Variants in WNK1 observed in about 807,000 individuals in gnomAD.
The protein encoded by WNK1 is WNK lysine deficient protein kinase 1.
Under a neutral mutation model 222.8 loss-of-function variants are expected in WNK1, and 38 were observed. The observed-to-expected ratio is 0.17, with a 90% CI of 0.13 to 0.22. The LOEUF (loss-of-function observed/expected upper bound fraction) is 0.22. Ranked by LOEUF, WNK1 falls within the 10% of genes least tolerant of loss-of-function variation. WNK1 has a pLI of 1.00. For synonymous variants in WNK1, 1,090 were observed against 1,092.9 expected, an observed-to-expected ratio of 1.00 and a Z score of 0.05; for missense variants, 2,348 against 2,918.4, an observed-to-expected ratio of 0.80 and a Z score of 4.50.
rs763829194 is a variant in WNK1, at chr12:885,291, C to G, written c.4487C>G (p.Thr1496Ser). ...GATLTSVSTTTSFPSTASQLC... is the reference protein window; with the variant it reads ...GATLTSVSTTSSFPSTASQLC... Reference sequence around the variant, plus strand: ...ACATTAACATCAGTTTCTACCACCACTTCATTCCCAAGCACAGCTTCACAG... The same window carrying G: ...ACATTAACATCAGTTTCTACCACCAGTTCATTCCCAAGCACAGCTTCACAG... Residue 1496 changes from threonine to serine, a missense_variant, in exon 19 of 28, where the codon ACT becomes AGT. By Grantham distance (58) the Thr-to-Ser change is moderately conservative. Transcript: ENST00000315939. 25 of 1,614,088 alleles carry G rather than the reference C, an allele frequency of 1.5e-5. No homozygotes were observed. The East Asian group carries it at 5.1e-4, about 33-fold the overall frequency.
chr12:906,720 ACTTCT>A (rs2154102844), intron 26 of WNK1: 14 of 985,256 alleles, frequency 1.4e-5, no homozygotes, highest in Non-Finnish European at 1.7e-5. Context: ...ACAGCATGCT[ACTTCT>A]CTTATTACCT....
At chr12:882,863 C>T in intron 14 of WNK1, 80 bp from the exon 15 acceptor site, 1 of 881,236 alleles carries the variant, frequency 1.1e-6, no homozygotes, top group East Asian at 2.4e-5. Context: ...AAGTCAAGTG[C>T]TAATCTGCAT....
At chr12:868,362 T>C (rs771593073) in intron 8 of WNK1, 3 of 1,613,934 alleles carry the variant, frequency 1.9e-6, no homozygotes, top group Non-Finnish European at 2.5e-6. Context: ...TCAAGTCCTA[T>C]GAAACAGATA....
At chr12:863,104 C>T (rs1027306806) in intron 8 of WNK1, among the ~76,000 whole-genome samples, 1 of 152,092 alleles carries the variant, frequency 6.6e-6, no homozygotes, top group Non-Finnish European at 1.5e-5. Flanking sequence ...AAATAAGTAA[C>T]TTGTCACTGT....
Position 909,634 on chromosome 12 carries a change from A to T in WNK1, c.*842A>T, listed in dbSNP as rs1009340931. 1.3e-5 allele frequency: 2 copies of T among 152,174 alleles called. No homozygotes were observed. Among genetic ancestry groups the T allele is most frequent in the African/African-American group, 2.4e-5 (1 of 41,438 alleles). The allele number at this position is 152,174 out of a possible 1,614,324, so 9.4% of individuals were successfully genotyped here. A position where few individuals can be genotyped will look rare whatever the true frequency, so the allele number is the denominator to read the frequency against. ...TTAGATAAATAAATGTGAATGTAAA[A>T]TTGTATAAATTACTGTACTTGAATA... On this transcript the variant is annotated 3_prime_UTR_variant, in exon 28 of 28. Transcript: ENST00000315939.
intron 4 of WNK1, among the ~76,000 whole-genome samples, chr12:854,132 C>A (rs1184778646): frequency 6.6e-6 from 1 of 151,822 alleles, no homozygotes; most frequent in East Asian, 2.0e-4. Context: ...CTTTGGGAGG[C>A]CAAGGTAGGA....
intron 1 of WNK1, among the ~76,000 whole-genome samples, chr12:780,496 G>A (rs1203541391): frequency 6.6e-6 from 1 of 152,164 alleles, no homozygotes; most frequent in Non-Finnish European, 1.5e-5. Flanking sequence ...GCACTACTGA[G>A]CATAATGGGA....
In WNK1 at chr12:911,351, G is replaced by A. The variant is rs1291696362; in HGVS notation, c.*2559G>A. The A allele has an allele frequency of 2.5e-6, 1 of 398,172 alleles. No homozygotes were observed. Among genetic ancestry groups the A allele is most frequent in the Non-Finnish European group, 4.4e-6 (1 of 226,064 alleles). 24.7% of individuals were successfully genotyped at this position (398,172 alleles called of 1,614,324 possible). ...AATTGTACATTTTGCACTAACTCTG[G>A]GTGTTGCGCTTCTTGTAAGATTGCG... On this transcript the variant is annotated 3_prime_UTR_variant, in exon 28 of 28. Transcript: ENST00000315939.
chr12:837,863 C>T (rs997469082), intron 4 of WNK1, among the ~76,000 whole-genome samples: 2 of 152,176 alleles, frequency 1.3e-5, no homozygotes, highest in African/African-American at 4.8e-5. Context: ...GTAGCAATCA[C>T]TTTTCTATAC....
rs1187523002 is a variant in WNK1 at position 909,024 on chromosome 12, A to T, written c.*232A>T. On this transcript the variant is annotated 3_prime_UTR_variant, in exon 28 of 28. Transcript: ENST00000315939. The stretch of plus-strand genomic sequence containing the variant: ...AAGAACAGCTTTTTTGTCAAGGGGC[A>T]GCTTCAGACCATGCTTTCCTGTTTA... The T allele has an allele frequency of 1.8e-6, 1 of 568,764 alleles. No individual in the cohort carries two copies. The highest frequency in any genetic ancestry group is 3.1e-6 in the Non-Finnish European group (1 of 318,520). 35.2% of individuals were successfully genotyped at this position (568,764 alleles called of 1,614,324 possible).
At chr12:792,382 G>A (rs1485357169) in intron 1 of WNK1, among the ~76,000 whole-genome samples, 6 of 145,258 alleles carry the variant, frequency 4.1e-5, no homozygotes, top group Non-Finnish European at 6.0e-5. Flanking sequence ...GTGCAATCTC[G>A]GCTCACTGCA....
At chr12:870,787 G>C (rs1041029815) in intron 8 of WNK1, among the ~76,000 whole-genome samples, 2 of 152,288 alleles carry the variant, frequency 1.3e-5, no homozygotes, top group South Asian at 4.1e-4. Context: ...ATCGCCCTAG[G>C]TACTTGGCAG....
Position 879,675 on chromosome 12 carries a change from CCAGTGGGA to C in WNK1, c.2480_2487del (p.Val827AlafsTer65). ...AGTCCACTCTGGTGCTCATTTCCTT[CCAGTGGGA>C]CAGCCGCTCCCTACTCCCTTGCTCC... On this transcript the variant is annotated frameshift_variant, in exon 11 of 28. Transcript: ENST00000315939. LOFTEE classifies it high-confidence loss of function. The C allele has an allele frequency of 6.2e-7, 1 of 1,613,948 alleles. No individual in the cohort carries two copies. The highest frequency in any genetic ancestry group is 1.3e-5 in the African/African-American group (1 of 74,952).
chr12:829,894 C>G lies in WNK1; in HGVS notation c.1154-109C>G. The G allele has an allele frequency of 4.3e-6, 5 of 1,169,434 alleles. No homozygotes were observed. In the South Asian group the frequency reaches 6.3e-5, roughly 15 times the overall value. The allele number at this position is 1,169,434 out of a possible 1,614,324, so 72.4% of individuals were successfully genotyped here. A position where few individuals can be genotyped will look rare whatever the true frequency, so the allele number is the denominator to read the frequency against. On this transcript the variant is annotated intron_variant, in intron 3 of 27. Coordinates refer to ENST00000315939, the MANE Select transcript of WNK1 (RefSeq NM_018979.4). ...TTTCTCCCCCTTTCCTTTTTTCTCCCCATTCCAATTTCTTCTCTCTCACAG... is the reference window on the plus strand; with the variant it reads ...TTTCTCCCCCTTTCCTTTTTTCTCCGCATTCCAATTTCTTCTCTCTCACAG...
At chr12:817,554 G>A (rs1024159539) in intron 2 of WNK1, among the ~76,000 whole-genome samples, 3 of 152,176 alleles carry the variant, frequency 2.0e-5, no homozygotes, top group East Asian at 3.9e-4. Flanking sequence ...TGGACCTTTC[G>A]AGTTTCTACC....
Position 868,527 on chromosome 12 carries a change from G to A in WNK1, c.2140-2738G>A, listed in dbSNP as rs771156131. On this transcript the variant is annotated intron_variant, in intron 8 of 27. Coordinates refer to ENST00000315939, the MANE Select transcript of WNK1 (RefSeq NM_018979.4). ...CTCTCTAGTATTTCTGCACCTATCA[G>A]TACAGATGCTACACGTTTGAAATTT... The A allele has an allele frequency of 3.1e-6, 5 of 1,613,856 alleles. No homozygotes were observed. In the South Asian group the frequency reaches 5.5e-5, roughly 18 times the overall value.
intron 8 of WNK1, chr12:865,079 T>G: frequency 6.7e-7 from 1 of 1,484,590 alleles, no homozygotes; most frequent in Non-Finnish European, 8.9e-7. Flanking sequence ...CAGTACTGTG[T>G]TTTTCATGTG....
At chr12:789,839 T>C (rs1333025454) in intron 1 of WNK1, among the ~76,000 whole-genome samples, 1 of 152,212 alleles carries the variant, frequency 6.6e-6, no homozygotes, top group African/African-American at 2.4e-5. Flanking sequence ...ATGCCCCTTA[T>C]GGCCCTATTT....
At chr12:869,986 T>C (rs1266182550) in intron 8 of WNK1, among the ~76,000 whole-genome samples, 1 of 152,186 alleles carries the variant, frequency 6.6e-6, no homozygotes, top group African/African-American at 2.4e-5. Flanking sequence ...AAAAGTACAG[T>C]CAGTGTTTAC....
Sources: gnomAD v4.1 joint callset for allele counts (sites outside exome capture counted in the v4.1 genomes callset) on GRCh38, gnomAD v4.1.1 for gene constraint, MANE v1.5 for transcripts, NCBI Gene and HGNC (gene_info 2026-07-23, HGNC 2026-07-21) for gene names.